The following CCDC146 variants were observed in gnomAD, a reference collection of about 807,000 sequenced individuals.
CCDC146 encodes coiled-coil domain containing 146.
A neutral mutation model predicts 119.3 loss-of-function variants in CCDC146; 92 were observed. The observed-to-expected ratio is 0.77, with a 90% CI of 0.65 to 0.92. The LOEUF (loss-of-function observed/expected upper bound fraction) is 0.92. Ranked by LOEUF, CCDC146 falls within the 40% of genes least tolerant of loss-of-function variation. The pLI is 0.00. For missense variants in CCDC146, 1,000 were observed against 1,103.0 expected, an observed-to-expected ratio of 0.91 and a Z score of 1.32; for synonymous variants, 372 against 371.8, an observed-to-expected ratio of 1.00 and a Z score of -0.01.
chr7:77,231,493 A>T (rs34355463), intron 2 of CCDC146, among the ~76,000 whole-genome samples: 1 of 152,084 alleles, frequency 6.6e-6, no homozygotes, highest in African/African-American at 2.4e-5. Flanking sequence ...GTCTTGGAGC[A>T]CATCCCCCAT....
intron 1 of CCDC146, among the ~76,000 whole-genome samples, chr7:77,140,451 G>C (rs1790917068): frequency 6.6e-6 from 1 of 152,168 alleles, no homozygotes; most frequent in Non-Finnish European, 1.5e-5. Context: ...ATGCTGGCAT[G>C]GTCAGTTCTG....
intron 2 of CCDC146, among the ~76,000 whole-genome samples, chr7:77,173,909 T>C (rs185286696): frequency 5.3e-5 from 8 of 152,370 alleles, no homozygotes; most frequent in Admixed American, 5.2e-4. Context: ...AACATGTCCA[T>C]AACTGAATTT....
chr7:77,206,721 T>C (rs1438693562), intron 2 of CCDC146, among the ~76,000 whole-genome samples: 1 of 150,838 alleles, frequency 6.6e-6, no homozygotes, highest in Non-Finnish European at 1.5e-5. Context: ...TTATATAATA[T>C]ATAACCTATT....
In CCDC146 at chr7:77,280,502, A is replaced by C; in HGVS notation, c.1768A>C (p.Lys590Gln). Residue 590 changes from lysine to glutamine, a missense_variant, in exon 14 of 19, where the codon AAA becomes CAA. Lys to Gln is a moderately conservative substitution (Grantham distance 53). Around this residue, in one of 2 missense-constraint regions of CCDC146, gnomAD observed 985 missense variants for 1,045.3 expected, o/e 0.94. Coordinates refer to ENST00000285871, the MANE Select transcript of CCDC146 (RefSeq NM_020879.3). The stretch of plus-strand genomic sequence containing the variant: ...AGAGAGCATGCAAAACGATGTGCGC[A>C]AAATTGTATCAAAACTTCAGGAAAT... ...IRESMQNDVRKIVSKLQEMKE... is the reference protein window; with the variant it reads ...IRESMQNDVRQIVSKLQEMKE... 6.2e-7 allele frequency: 1 copy of C among 1,614,206 alleles called. No homozygotes were observed. The highest frequency in any genetic ancestry group is 8.5e-7 in the Non-Finnish European group (1 of 1,180,028).
intron 1 of CCDC146, among the ~76,000 whole-genome samples, chr7:77,135,132 T>G: frequency 6.6e-6 from 1 of 152,238 alleles, no homozygotes; most frequent in Non-Finnish European, 1.5e-5. Context: ...TAATCTTTCT[T>G]AAATATATGT....
intron 1 of CCDC146, among the ~76,000 whole-genome samples, chr7:77,137,829 C>T (rs1009871534): frequency 2.0e-5 from 3 of 151,830 alleles, no homozygotes; most frequent in African/African-American, 7.3e-5. Flanking sequence ...AGGACTGACA[C>T]TACCCGACTT....
chr7:77,224,338 C>T (rs1219000303), intron 2 of CCDC146, among the ~76,000 whole-genome samples: 1 of 152,158 alleles, frequency 6.6e-6, no homozygotes, highest in Non-Finnish European at 1.5e-5. Flanking sequence ...CCATAGTCAG[C>T]AACAGTAGGT....
intron 3 of CCDC146, among the ~76,000 whole-genome samples, chr7:77,240,876 A>C (rs946909338): frequency 6.6e-6 from 1 of 151,786 alleles, no homozygotes. Flanking sequence ...GACCCAATGC[A>C]GTATACCCCA....
At chr7:77,275,530 A>C (rs948521176) in intron 11 of CCDC146, among the ~76,000 whole-genome samples, 1 of 152,212 alleles carries the variant, frequency 6.6e-6, no homozygotes, top group African/African-American at 2.4e-5. Context: ...TCCAGTGGAC[A>C]GGGCTGGCAG....
intron 1 of CCDC146, among the ~76,000 whole-genome samples, chr7:77,138,365 C>A (rs2868701): frequency 0.18 from 27,224 of 148,078 alleles, 2,731 homozygotes; most frequent in Non-Finnish European, 0.21. Context: ...CACAGTTCTT[C>A]CACTCTTAAC....
In CCDC146 at chr7:77,294,534, A is replaced by G. The variant is rs952746145; in HGVS notation, c.2665-129A>G. The G allele has an allele frequency of 7.2e-6, 5 of 690,394 alleles. No homozygotes were observed. In the African/African-American group the frequency reaches 7.3e-5, roughly 10 times the overall value. 42.8% of individuals were successfully genotyped at this position (690,394 alleles called of 1,614,324 possible). A position where few individuals can be genotyped will look rare whatever the true frequency, so the allele number is the denominator to read the frequency against. ...GTGATTCTACCCTCCTACCCCTCCC[A>G]TCCCTTTGGGGAGTATCAGCTAGCA... On this transcript the variant is annotated intron_variant, in intron 18 of 18. Transcript: ENST00000285871.
chr7:77,146,503 CT>C (rs992215825), intron 1 of CCDC146, among the ~76,000 whole-genome samples: 1 of 152,150 alleles, frequency 6.6e-6, no homozygotes, highest in Non-Finnish European at 1.5e-5. Flanking sequence ...TCTTCCTAGC[CT>C]TGATGGTCTT....
In CCDC146 at chr7:77,230,278, T is replaced by C. The variant is rs924906401; in HGVS notation, c.157-6669T>C. Among the ~76,000 whole-genome samples, 5 of 152,210 alleles carry C rather than the reference T, an allele frequency of 3.3e-5. No individual in the cohort carries two copies. In the East Asian group the frequency reaches 9.6e-4, roughly 29 times the overall value. On this transcript the variant is annotated intron_variant, in intron 2 of 18. Transcript: ENST00000285871. ...TTGTGTCCAAGCTTTTATATGAGCA[T>C]ATATCTTCAATTTAATTGAGTACAC...
intron 8 of CCDC146, among the ~76,000 whole-genome samples, chr7:77,260,568 G>A (rs147849380): frequency 6.6e-6 from 1 of 152,298 alleles, no homozygotes; most frequent in East Asian, 1.9e-4. Context: ...AGGCCATCTT[G>A]ACTTTTTTCT....
chr7:77,146,011 AGTGG>A (rs1175297662), intron 1 of CCDC146, among the ~76,000 whole-genome samples: 1 of 151,912 alleles, frequency 6.6e-6, no homozygotes, highest in Non-Finnish European at 1.5e-5. Context: ...TAATATTGAC[AGTGG>A]GGTGTTAAAG....
chr7:77,185,751 A>G (rs1791657892), intron 2 of CCDC146, among the ~76,000 whole-genome samples: 1 of 152,240 alleles, frequency 6.6e-6, no homozygotes, highest in Non-Finnish European at 1.5e-5. Flanking sequence ...TGAGCTAAAT[A>G]AAGTACCAGG....
chr7:77,209,370 C>T (rs976276818), intron 2 of CCDC146, among the ~76,000 whole-genome samples: 5 of 152,252 alleles, frequency 3.3e-5, no homozygotes, highest in Admixed American at 6.5e-5. Flanking sequence ...CTTCATGTCT[C>T]ACATCCAAGC....
rs568101730 is a variant in CCDC146 at position 77,231,982 on chromosome 7, T to C, written c.157-4965T>C. ...TGGATTCTGATCCTTCCCAGGCTTA[T>C]TGATGCTGTTTTGTTCTTGTTATTG... is the stretch of plus-strand genomic sequence containing the variant. On this transcript the variant is annotated intron_variant, in intron 2 of 18. Coordinates refer to ENST00000285871, the MANE Select transcript of CCDC146 (RefSeq NM_020879.3). Among the ~76,000 whole-genome samples, 47 of 152,322 alleles carry C rather than the reference T, an allele frequency of 3.1e-4. No homozygotes were observed. In the South Asian group the frequency reaches 8.1e-3, roughly 26 times the overall value.
chr7:77,145,192 T>G lies in CCDC146; in HGVS notation c.-12+22460T>G, dbSNP rs190856533. 1.3e-3 allele frequency among the ~76,000 whole-genome samples: 203 copies of G among 152,032 alleles called. 11 individuals are homozygous for G. Among genetic ancestry groups the G allele is most frequent in the African/African-American group, 4.7e-3 (192 of 41,270 alleles). Reference sequence around the variant, plus strand: ...ATTTATCCATTTCTTCTAGATTTTCTAGTTTATTTGCATAGGGTGTTTATA... The same window carrying G: ...ATTTATCCATTTCTTCTAGATTTTCGAGTTTATTTGCATAGGGTGTTTATA... On this transcript the variant is annotated intron_variant, in intron 1 of 18. Coordinates refer to ENST00000285871, the MANE Select transcript of CCDC146 (RefSeq NM_020879.3).
Sources: allele counts gnomAD v4.1 joint callset (sites outside exome capture counted in the v4.1 genomes callset), GRCh38; gene constraint gnomAD v4.1.1; regional missense constraint gnomAD v4.1.1; transcripts MANE v1.5; gene names NCBI Gene and HGNC (gene_info 2026-07-23, HGNC 2026-07-21).